PTPRK: variants seen among roughly 807,000 people sequenced by gnomAD.
PTPRK encodes protein tyrosine phosphatase receptor type K.
PTPRK carries 75 observed loss-of-function variants against 178.0 expected under a neutral mutation model. The observed-to-expected ratio is 0.42, with a 90% CI of 0.35 to 0.51. The LOEUF is 0.51. PTPRK is among the 20% of genes least tolerant of loss of function. The probability of loss-of-function intolerance (pLI) is 0.02; values close to 1 mark genes in which losing one functional copy is unlikely to be tolerated. For synonymous variants in PTPRK, 637 were observed against 620.6 expected, an observed-to-expected ratio of 1.03 and a Z score of -0.39; for missense variants, 1,441 against 1,797.8, an observed-to-expected ratio of 0.80 and a Z score of 3.59.
At chr6:127,997,115 C>T (rs903627028) in intron 16 of PTPRK, 127 bp from the exon 17 acceptor site, 3 of 903,378 alleles carry the variant, frequency 3.3e-6, no homozygotes, top group Non-Finnish European at 5.0e-6. Flanking sequence ...CAGTAGTAAA[C>T]AAGTTTCATT....
At chr6:128,007,549 C>G (rs952014030) in intron 14 of PTPRK, among the ~76,000 whole-genome samples, 2 of 150,898 alleles carry the variant, frequency 1.3e-5, no homozygotes, top group African/African-American at 4.8e-5. Context: ...TACCTTCCCC[C>G]AAAATCTTGC....
intron 3 of PTPRK, among the ~76,000 whole-genome samples, chr6:128,303,214 C>T (rs368588916): frequency 1.1e-4 from 17 of 152,306 alleles, no homozygotes; most frequent in South Asian, 4.1e-4. Context: ...GACCTACAGT[C>T]GCTAAATCTG....
intron 7 of PTPRK, among the ~76,000 whole-genome samples, chr6:128,183,064 T>C (rs950159265): frequency 1.3e-5 from 2 of 152,210 alleles, no homozygotes; most frequent in African/African-American, 4.8e-5. Context: ...GTAATTTTAT[T>C]AGAAAACATG....
At chr6:128,491,294 G>A (rs115048589) in intron 1 of PTPRK, among the ~76,000 whole-genome samples, 14 of 152,286 alleles carry the variant, frequency 9.2e-5, no homozygotes, top group African/African-American at 3.4e-4. Context: ...TGATATCTTT[G>A]GGGATAAATG....
intron 1 of PTPRK, among the ~76,000 whole-genome samples, chr6:128,473,404 A>ATTTTTTTTTTTT (rs67418131): frequency 3.3e-5 from 3 of 90,872 alleles, no homozygotes; most frequent in African/African-American, 4.4e-5. Flanking sequence ...TATGGTTACT[A>ATTTTTTTTTTTT]TTTTTTTTTT....
chr6:128,119,946 C>A (rs1237379736), intron 7 of PTPRK, among the ~76,000 whole-genome samples: 2 of 151,878 alleles, frequency 1.3e-5, no homozygotes, highest in Non-Finnish European at 2.9e-5. Context: ...TAGTTCCTAT[C>A]CTTCTCTTTG....
chr6:128,210,976 A>G (rs1194443812), intron 6 of PTPRK, among the ~76,000 whole-genome samples: 1 of 152,142 alleles, frequency 6.6e-6, no homozygotes. Flanking sequence ...ACAACAAAAT[A>G]TTTTCTCAGT....
intron 3 of PTPRK, among the ~76,000 whole-genome samples, chr6:128,290,703 A>G (rs1211794631): frequency 6.6e-6 from 1 of 152,118 alleles, no homozygotes; most frequent in Non-Finnish European, 1.5e-5. Context: ...TATACCCTGT[A>G]TGTTTATCAG....
chr6:128,504,299 T>C (rs1855994620), intron 1 of PTPRK, among the ~76,000 whole-genome samples: 1 of 152,188 alleles, frequency 6.6e-6, no homozygotes, highest in African/African-American at 2.4e-5. Flanking sequence ...CAGGAAAAAC[T>C]CTTAATAAAA....
At chr6:128,123,394 T>C (rs1792795077) in intron 7 of PTPRK, among the ~76,000 whole-genome samples, 2 of 152,112 alleles carry the variant, frequency 1.3e-5, no homozygotes, top group Non-Finnish European at 2.9e-5. Context: ...ATACACAACT[T>C]AGGAGGAAAT....
intron 1 of PTPRK, among the ~76,000 whole-genome samples, chr6:128,420,655 A>G (rs767444137): frequency 6.6e-6 from 1 of 152,236 alleles, no homozygotes; most frequent in Non-Finnish European, 1.5e-5. Flanking sequence ...AGAGAGCAGC[A>G]GGAATTTTAC....
At chr6:128,036,202 G>A (rs76218520) in intron 13 of PTPRK, among the ~76,000 whole-genome samples, 1 of 152,162 alleles carries the variant, frequency 6.6e-6, no homozygotes, top group South Asian at 2.1e-4. Flanking sequence ...TCCCAGGGCT[G>A]TGAGAGAATG....
intron 3 of PTPRK, among the ~76,000 whole-genome samples, chr6:128,300,486 T>C (rs1278842224): frequency 6.6e-6 from 1 of 151,930 alleles, no homozygotes; most frequent in Non-Finnish European, 1.5e-5. Context: ...TGTCCAACAA[T>C]GATAGACTGG....
At chr6:128,172,440 T>A (rs1245027743) in intron 7 of PTPRK, among the ~76,000 whole-genome samples, 3 of 151,886 alleles carry the variant, frequency 2.0e-5, no homozygotes, top group Non-Finnish European at 2.9e-5. Flanking sequence ...TTGGAAAGTC[T>A]AAATATTTAA....
At chr6:128,282,649 G>T (rs1039146437) in intron 3 of PTPRK, among the ~76,000 whole-genome samples, 3 of 152,196 alleles carry the variant, frequency 2.0e-5, no homozygotes, top group African/African-American at 7.2e-5. Context: ...TGTATTCAGT[G>T]TATAAACATT....
intron 2 of PTPRK, among the ~76,000 whole-genome samples, chr6:128,381,357 C>T (rs995372279): frequency 2.6e-5 from 4 of 151,998 alleles, no homozygotes; most frequent in South Asian, 2.1e-4. Context: ...TATCATTATG[C>T]GTCAGAGTGC....
intron 11 of PTPRK, among the ~76,000 whole-genome samples, chr6:128,077,166 A>C (rs1783977156): frequency 1.3e-5 from 2 of 152,048 alleles, no homozygotes; most frequent in Non-Finnish European, 2.9e-5. Context: ...AACACCTAAA[A>C]AGTAAATTTT....
intron 2 of PTPRK, among the ~76,000 whole-genome samples, chr6:128,394,529 T>A (rs967697163): frequency 6.6e-6 from 1 of 152,228 alleles, no homozygotes; most frequent in African/African-American, 2.4e-5. Flanking sequence ...TTTCTCACTG[T>A]GTTTTAAATA....
At chr6:128,426,307 C>G (rs996530080) in intron 1 of PTPRK, among the ~76,000 whole-genome samples, 1 of 152,106 alleles carries the variant, frequency 6.6e-6, no homozygotes, top group African/African-American at 2.4e-5. Flanking sequence ...TTAAAGCTCC[C>G]CTTGAGGTCT....
Sources: gnomAD v4.1 joint callset for allele counts (sites outside exome capture counted in the v4.1 genomes callset) on GRCh38, gnomAD v4.1.1 for gene constraint, MANE v1.5 for transcripts, NCBI Gene and HGNC (gene_info 2026-07-23, HGNC 2026-07-21) for gene names.